Variants in GRIA1 observed in about 807,000 individuals in gnomAD.
GRIA1 encodes glutamate receptor 1.
Under a neutral mutation model 99.2 loss-of-function variants are expected in GRIA1, and 31 were observed. That is an observed-to-expected ratio of 0.31 (90% CI 0.23 to 0.42). GRIA1 has a LOEUF of 0.42. GRIA1 is among the 10% of genes least tolerant of loss of function. The probability of loss-of-function intolerance (pLI) is 1.00; values close to 1 mark genes in which losing one functional copy is unlikely to be tolerated. For missense variants in GRIA1, 782 were observed against 1,157.5 expected (o/e 0.68, Z 4.71); for synonymous variants, 438 against 432.4 (o/e 1.01, Z -0.16).
At position 153,750,464 on chromosome 5, in the gene GRIA1, C is replaced by T. The variant is rs575638387; in HGVS notation, c.1824-13970C>T. On this transcript the variant is annotated intron_variant, in intron 11 of 15. Coordinates refer to ENST00000285900, the MANE Select transcript of GRIA1 (RefSeq NM_000827.4). ...TGTCCCCTTCCTCTTGGGGATGACA[C>T]GACGTGTTTTTGAAATAAAGAAGAA... is the stretch of plus-strand genomic sequence containing the variant. Among the ~76,000 whole-genome samples the T allele has an allele frequency of 1.1e-4, 16 of 152,244 alleles. No individual in the cohort carries two copies. In the East Asian group the frequency reaches 2.5e-3, roughly 24 times the overall value.
At chr5:153,648,845 C>CA (rs1211140977) in intron 3 of GRIA1, among the ~76,000 whole-genome samples, 1 of 151,864 alleles carries the variant, frequency 6.6e-6, no homozygotes, top group African/African-American at 2.4e-5. Flanking sequence ...GACACCCCCC[C>CA]CCAAGATGTT....
chr5:153,713,202 TTCAAAGCAGGGGCC>T (rs1329194499), intron 11 of GRIA1, among the ~76,000 whole-genome samples: 1 of 152,236 alleles, frequency 6.6e-6, no homozygotes, highest in Non-Finnish European at 1.5e-5. Flanking sequence ...GACTGTGGCC[TTCAAAGCAGGGGCC>T]TGGCTGTCCT....
chr5:153,537,768 T>C (rs6880600), intron 2 of GRIA1, among the ~76,000 whole-genome samples: 28 of 152,332 alleles, frequency 1.8e-4, no homozygotes, highest in African/African-American at 6.7e-4. Context: ...GTGCTGCTGC[T>C]ATGAAGCAAC....
chr5:153,703,649 A>G (rs1758687006), intron 10 of GRIA1, among the ~76,000 whole-genome samples: 1 of 152,176 alleles, frequency 6.6e-6, no homozygotes, highest in African/African-American at 2.4e-5. Flanking sequence ...CTGAGGCATG[A>G]GCATTGCTTG....
At position 153,705,961 on chromosome 5, in the gene GRIA1, G is replaced by C; in HGVS notation, c.1717G>C (p.Gly573Arg). The change falls in exon 11 of 16, where the codon GGA becomes CGA. Residue 573 changes from glycine (G) to arginine (R), a missense_variant. Coordinates refer to ENST00000285900, the MANE Select transcript of GRIA1 (RefSeq NM_000827.4). ...ATGGCACAGTGAAGAGTTTGAGGAA[G>C]GACGGGACCAGACAACCAGTGACCA... ...YEWHSEEFEEGRDQTTSDQSN... is the reference protein window; with the variant it reads ...YEWHSEEFEERRDQTTSDQSN... 1 of 1,614,054 alleles carries C rather than the reference G, an allele frequency of 6.2e-7. No individual in the cohort carries two copies.
At chr5:153,515,372 A>G (rs1163298520) in intron 2 of GRIA1, among the ~76,000 whole-genome samples, 1 of 152,214 alleles carries the variant, frequency 6.6e-6, no homozygotes, top group Non-Finnish European at 1.5e-5. Flanking sequence ...AAATAATCCA[A>G]CCACAGAATG....
intron 13 of GRIA1, among the ~76,000 whole-genome samples, chr5:153,776,393 T>C (rs542712983): frequency 1.3e-5 from 2 of 152,112 alleles, no homozygotes; most frequent in South Asian, 4.2e-4. Context: ...GGACAGAAAA[T>C]GGAAAAATAC....
At position 153,699,034 on chromosome 5, in the gene GRIA1, G is replaced by T. The variant is rs374477331; in HGVS notation, c.1413G>T (p.Thr471=). 6.2e-7 allele frequency: 1 copy of T among 1,613,972 alleles called. No homozygotes were observed. Among genetic ancestry groups the T allele is most frequent in the Non-Finnish European group, 8.5e-7 (1 of 1,179,910 alleles). Residue 471 remains threonine, a synonymous_variant, in exon 10 of 16, where the codon ACG becomes ACT. Coordinates refer to ENST00000285900, the MANE Select transcript of GRIA1 (RefSeq NM_000827.4). ...DGKYGARDPD[T]KAWNGMVGEL... ...AATACGGAGCCCGAGACCCTGACACGAAGGCCTGGAATGGCATGGTGGGAG... is the reference window on the plus strand; with the variant it reads ...AATACGGAGCCCGAGACCCTGACACTAAGGCCTGGAATGGCATGGTGGGAG...
At chr5:153,589,720 C>T (rs545324661) in intron 2 of GRIA1, among the ~76,000 whole-genome samples, 8 of 152,200 alleles carry the variant, frequency 5.3e-5, no homozygotes, top group African/African-American at 1.9e-4. Context: ...CAGGTTGGCA[C>T]TATAAACTGC....
At chr5:153,696,249 G>A (rs1758088162) in intron 8 of GRIA1, among the ~76,000 whole-genome samples, 1 of 152,198 alleles carries the variant, frequency 6.6e-6, no homozygotes, top group Non-Finnish European at 1.5e-5. Flanking sequence ...GTTTTGTGAG[G>A]ATGAAAGGAG....
chr5:153,590,953 G>T (rs1353768603), intron 2 of GRIA1, among the ~76,000 whole-genome samples: 1 of 152,124 alleles, frequency 6.6e-6, no homozygotes, highest in African/African-American at 2.4e-5. Context: ...TTAAATGGGG[G>T]TATTGTGTTA....
intron 11 of GRIA1, among the ~76,000 whole-genome samples, chr5:153,759,070 C>T (rs1242839493): frequency 6.6e-6 from 1 of 150,688 alleles, no homozygotes; most frequent in Non-Finnish European, 1.5e-5. Context: ...ATATGAAAAC[C>T]TATGAGATAC....
intron 11 of GRIA1, among the ~76,000 whole-genome samples, chr5:153,724,435 G>A (rs1346519033): frequency 3.3e-5 from 5 of 152,144 alleles, no homozygotes; most frequent in Admixed American, 6.6e-5. Context: ...GGCTTCAGAC[G>A]ATCAAACTAC....
At chr5:153,779,812 G>A (rs369124834) in intron 13 of GRIA1, among the ~76,000 whole-genome samples, 1 of 152,066 alleles carries the variant, frequency 6.6e-6, no homozygotes, top group Non-Finnish European at 1.5e-5. Context: ...CATCCGCCTC[G>A]GCCTCCCAAA....
At chr5:153,771,777 G>T (rs1221291637) in intron 13 of GRIA1, among the ~76,000 whole-genome samples, 1 of 152,110 alleles carries the variant, frequency 6.6e-6, no homozygotes, top group Non-Finnish European at 1.5e-5. Flanking sequence ...AAAAGCGTAA[G>T]CTTATTATTC....
intron 1 of GRIA1, among the ~76,000 whole-genome samples, chr5:153,492,742 G>T (rs1382040747): frequency 6.6e-6 from 1 of 151,850 alleles, no homozygotes; most frequent in Non-Finnish European, 1.5e-5. Context: ...ATTATATTTA[G>T]CCCTAACTTG....
At chr5:153,584,533 T>C (rs1036172910) in intron 2 of GRIA1, among the ~76,000 whole-genome samples, 11 of 152,194 alleles carry the variant, frequency 7.2e-5, no homozygotes, top group African/African-American at 2.7e-4. Context: ...GATCTCAAAG[T>C]AAGCAAATCT....
At chr5:153,781,767 A>G (rs1340160662) in intron 13 of GRIA1, among the ~76,000 whole-genome samples, 1 of 152,212 alleles carries the variant, frequency 6.6e-6, no homozygotes, top group South Asian at 2.1e-4. Context: ...AAGGCAACAA[A>G]TGCAAGTACA....
At chr5:153,744,417 T>G (rs1363875882) in intron 11 of GRIA1, among the ~76,000 whole-genome samples, 2 of 152,248 alleles carry the variant, frequency 1.3e-5, no homozygotes, top group African/African-American at 4.8e-5. Context: ...TGTATTTCGA[T>G]TCCACTTTCC....
Sources: gnomAD v4.1 joint callset for allele counts (sites outside exome capture counted in the v4.1 genomes callset) on GRCh38, gnomAD v4.1.1 for gene constraint, MANE v1.5 for transcripts, NCBI Gene and HGNC (gene_info 2026-07-23, HGNC 2026-07-21) for gene names.